The following FAT3 variants were observed in gnomAD, a reference collection of about 807,000 sequenced individuals.
FAT3 encodes FAT atypical cadherin 3, also known as protocadherin Fat 3.
A neutral mutation model predicts 310.2 loss-of-function variants in FAT3; 95 were observed. The observed-to-expected ratio is 0.31, with a 90% CI of 0.26 to 0.36. The LOEUF (loss-of-function observed/expected upper bound fraction) is 0.36. Among genes scored for constraint, FAT3 ranks in the 10% least tolerant of loss-of-function variants. FAT3 has a pLI of 1.00. For synonymous variants in FAT3, 2,314 were observed against 2,192.9 expected, an observed-to-expected ratio of 1.06 and a Z score of -1.54; for missense variants, 5,408 against 5,715.6, an observed-to-expected ratio of 0.95 and a Z score of 1.74.
chr11:92,759,016 T>G (rs183474092), intron 4 of FAT3, among the ~76,000 whole-genome samples: 5 of 152,242 alleles, frequency 3.3e-5, no homozygotes, highest in Admixed American at 3.3e-4. Context: ...GTTGATCATG[T>G]TGGTTTGGTG....
intron 20 of FAT3, among the ~76,000 whole-genome samples, chr11:92,858,432 C>G (rs1949037376): frequency 6.6e-6 from 1 of 152,176 alleles, no homozygotes; most frequent in Non-Finnish European, 1.5e-5. Context: ...TAGAAAACTT[C>G]TGATTGTCTA....
At chr11:92,536,038 C>T (rs1954246480) in intron 3 of FAT3, among the ~76,000 whole-genome samples, 1 of 152,158 alleles carries the variant, frequency 6.6e-6, no homozygotes, top group Non-Finnish European at 1.5e-5. Context: ...ATTGTGAGAA[C>T]TTAAAGTCCA....
intron 3 of FAT3, among the ~76,000 whole-genome samples, chr11:92,678,273 A>G (rs1211064627): frequency 6.6e-6 from 1 of 152,186 alleles, no homozygotes; most frequent in Non-Finnish European, 1.5e-5. Context: ...GCAAGAGGGG[A>G]CCAGTCAGAG....
Position 92,464,945 on chromosome 11 carries a change from G to A in FAT3, c.3293-59689G>A, listed in dbSNP as rs367770786. On this transcript the variant is annotated intron_variant, in intron 2 of 27. Transcript: ENST00000525166. ...ATTTGATAAGCTTTGTCATCTTTTT[G>A]TCTGCAGATCATAGACCTTGCATTT... Among the ~76,000 whole-genome samples, 94 of 152,246 alleles carry A rather than the reference G, an allele frequency of 6.2e-4. 1 individual carries two copies. In the South Asian group the frequency reaches 0.018, roughly 29 times the overall value.
rs1278090555 is a variant in FAT3, at chr11:92,394,981, A to C, written c.3292+39577A>C. On this transcript the variant is annotated intron_variant, in intron 2 of 27. Transcript: ENST00000525166. ...GTCTGTTTTGTTTTCTGCCACACCCATTGGCTAGGAGAGTAACTGGTATAT... is the reference window on the plus strand; with the variant it reads ...GTCTGTTTTGTTTTCTGCCACACCCCTTGGCTAGGAGAGTAACTGGTATAT... Among the ~76,000 whole-genome samples, 6 of 152,256 alleles carry C rather than the reference A, an allele frequency of 3.9e-5. No homozygotes were observed. The East Asian group carries it at 7.7e-4, about 20-fold the overall frequency.
intron 3 of FAT3, among the ~76,000 whole-genome samples, chr11:92,671,740 A>G (rs919891173): frequency 1.3e-5 from 2 of 152,140 alleles, no homozygotes; most frequent in Admixed American, 1.3e-4. Flanking sequence ...GCTCTTCATT[A>G]TATCCCTTTA....
At chr11:92,375,340 C>T (rs1056819064) in intron 2 of FAT3, among the ~76,000 whole-genome samples, 13 of 152,048 alleles carry the variant, frequency 8.5e-5, no homozygotes, top group African/African-American at 2.9e-4. Context: ...AGGGTCTTGC[C>T]ATGTTTCCCA....
Position 92,487,114 on chromosome 11 carries a change from G to A in FAT3, c.3293-37520G>A, listed in dbSNP as rs376960646. Among the ~76,000 whole-genome samples the A allele has an allele frequency of 6.4e-4, 97 of 152,240 alleles. 3 individuals are homozygous for A. The South Asian group carries it at 0.015, about 23-fold the overall frequency. On this transcript the variant is annotated intron_variant, in intron 2 of 27. Transcript: ENST00000525166. ...AGAATGGGGTCCCCACTTAGTAATC[G>A]TTTAGAAGCAATCCTGAGGGTGTTG...
chr11:92,383,282 A>G (rs899178289), intron 2 of FAT3, among the ~76,000 whole-genome samples: 5 of 152,196 alleles, frequency 3.3e-5, no homozygotes, highest in African/African-American at 1.2e-4. Context: ...TATTGTGAAT[A>G]CTGCTGCAAT....
intron 4 of FAT3, among the ~76,000 whole-genome samples, chr11:92,740,051 G>T (rs780938041): frequency 6.6e-6 from 1 of 152,142 alleles, no homozygotes; most frequent in African/African-American, 2.4e-5. Flanking sequence ...TATCCATTAA[G>T]CACGAGTATG....
chr11:92,242,747 G>T (rs935117696), intron 1 of FAT3, among the ~76,000 whole-genome samples: 2 of 151,876 alleles, frequency 1.3e-5, no homozygotes, highest in Admixed American at 1.3e-4. Context: ...GAATCTTATG[G>T]TCACCCCTGG....
intron 20 of FAT3, among the ~76,000 whole-genome samples, chr11:92,857,774 T>A (rs1228070373): frequency 3.3e-5 from 5 of 152,186 alleles, no homozygotes. Flanking sequence ...CTGTTGACCT[T>A]CCTTAGAGTC....
chr11:92,679,841 C>CAAAAAAAAA (rs71064721), intron 3 of FAT3, among the ~76,000 whole-genome samples: 2 of 57,260 alleles, frequency 3.5e-5, no homozygotes, highest in Non-Finnish European at 3.3e-5. Flanking sequence ...GACTCCATCT[C>CAAAAAAAAA]AAAAAAAAAA....
At chr11:92,690,517 A>C (rs141362484) in intron 3 of FAT3, among the ~76,000 whole-genome samples, 1 of 152,306 alleles carries the variant, frequency 6.6e-6, no homozygotes, top group Non-Finnish European at 1.5e-5. Flanking sequence ...TCGTGGGGGT[A>C]GTTTCCAGAA....
At position 92,787,486 on chromosome 11, in the gene FAT3, A is replaced by T. The variant is rs143883299; in HGVS notation, c.4336-2457A>T. Among the ~76,000 whole-genome samples, 459 of 152,004 alleles carry T rather than the reference A, an allele frequency of 3.0e-3. 2 individuals carry two copies. The highest frequency in any genetic ancestry group is 0.011 in the African/African-American group (441 of 41,524). ...TGGTGGCACATCTACACAGAGAAGA[A>T]CTATTCTAAGTGACTTTAAACATGC... On this transcript the variant is annotated intron_variant, in intron 7 of 27. Transcript: ENST00000525166.
chr11:92,434,698 G>T (rs1950886573), intron 2 of FAT3, among the ~76,000 whole-genome samples: 1 of 152,138 alleles, frequency 6.6e-6, no homozygotes, highest in Non-Finnish European at 1.5e-5. Context: ...CCTCCTCTGT[G>T]GCATGGATAT....
chr11:92,367,723 T>C (rs1949065090), intron 2 of FAT3, among the ~76,000 whole-genome samples: 1 of 152,236 alleles, frequency 6.6e-6, no homozygotes, highest in South Asian at 2.1e-4. Flanking sequence ...ATGAGTGTCT[T>C]CTACTGATCA....
chr11:92,855,345 A>G (rs1948944274), intron 19 of FAT3, among the ~76,000 whole-genome samples: 1 of 152,182 alleles, frequency 6.6e-6, no homozygotes, highest in African/African-American at 2.4e-5. Context: ...GACTTCTGAC[A>G]TTCTCCCAGG....
At chr11:92,845,583 G>A (rs1187696507) in intron 19 of FAT3, among the ~76,000 whole-genome samples, 1 of 152,206 alleles carries the variant, frequency 6.6e-6, no homozygotes, top group East Asian at 1.9e-4. Flanking sequence ...TAGCTGCACA[G>A]AGTCACATGC....
Sources: allele counts gnomAD v4.1 joint callset (sites outside exome capture counted in the v4.1 genomes callset), GRCh38; gene constraint gnomAD v4.1.1; transcripts MANE v1.5; gene names NCBI Gene and HGNC (gene_info 2026-07-23, HGNC 2026-07-21).